FRMPD4: variants seen among roughly 807,000 people sequenced by gnomAD.
FRMPD4 encodes FERM and PDZ domain-containing protein 4.
In FRMPD4, 22 loss-of-function variants were observed where a neutral mutation model predicts 94.1. That is an observed-to-expected ratio of 0.23 (90% CI 0.17 to 0.33). The LOEUF (loss-of-function observed/expected upper bound fraction) is 0.33, where lower values mean the gene tolerates loss of function less well. Among genes scored for constraint, FRMPD4 ranks in the 10% least tolerant of loss-of-function variants. The pLI is 1.00. For synonymous variants in FRMPD4, 631 were observed against 548.6 expected, an observed-to-expected ratio of 1.15 and a Z score of -2.10; for missense variants, 1,111 against 1,339.9, an observed-to-expected ratio of 0.83 and a Z score of 2.67.
intron 2 of FRMPD4, among the ~76,000 whole-genome samples, chrX:12,607,006 C>T (rs2059137386): frequency 9.0e-6 from 1 of 111,435 alleles, no homozygotes; most frequent in Admixed American, 9.5e-5. Context: ...AGGTCAAGTT[C>T]CCACCCATTG....
intron 2 of FRMPD4, among the ~76,000 whole-genome samples, chrX:12,524,749 G>A (rs1001146940): frequency 9.0e-6 from 1 of 111,147 alleles, no homozygotes; most frequent in African/African-American, 3.3e-5. Context: ...TTTAGCCCCT[G>A]TTTCCTACAG....
intron 4 of FRMPD4, among the ~76,000 whole-genome samples, chrX:12,646,706 A>G (rs1176944666): frequency 8.9e-6 from 1 of 112,067 alleles, no homozygotes; most frequent in Admixed American, 9.5e-5. Flanking sequence ...CTCTGCAAAC[A>G]TTGTCTTCGA....
intron 3 of FRMPD4, among the ~76,000 whole-genome samples, chrX:12,015,732 A>G (rs886232943): frequency 6.2e-5 from 7 of 112,390 alleles, no homozygotes; most frequent in African/African-American, 2.3e-4. Context: ...CAAGAAATAC[A>G]GCTGACTTGG....
At chrX:12,697,344 G>T (rs2060143219) in intron 9 of FRMPD4, among the ~76,000 whole-genome samples, 2 of 111,906 alleles carry the variant, frequency 1.8e-5, no homozygotes, top group Non-Finnish European at 3.8e-5. Flanking sequence ...CCAGGGCTTT[G>T]CTACTGCAGC....
rs1043770826 is a variant in FRMPD4, at chrX:11,984,530, G to A, written c.95+106512G>A. Among the ~76,000 whole-genome samples the A allele has an allele frequency of 3.6e-5, 4 of 112,631 alleles. No individual in the cohort carries two copies. The Admixed American group carries it at 3.7e-4, about 11-fold the overall frequency. ...CAGCTGATCTGGGTGCAATGGTTTT[G>A]CTGCCCACAGAGTGGAAAGTTTGCT... is the stretch of plus-strand genomic sequence containing the variant. On this transcript the variant is annotated intron_variant, in intron 3 of 18. Coordinates refer to the FRMPD4 transcript ENST00000640291.
chrX:12,555,412 GATAT>G (rs1177891796), intron 2 of FRMPD4, among the ~76,000 whole-genome samples: 3 of 105,702 alleles, frequency 2.8e-5, no homozygotes, highest in East Asian at 5.7e-4. Context: ...TTTGAGATTG[GATAT>G]ATAAATTCAA....
chrX:12,158,838 G>A (rs1444578711), intron 1 of FRMPD4, among the ~76,000 whole-genome samples: 1 of 111,930 alleles, frequency 8.9e-6, no homozygotes, highest in East Asian at 2.8e-4. Context: ...ATTCCTAGGA[G>A]TAGAATTGTT....
intron 3 of FRMPD4, among the ~76,000 whole-genome samples, chrX:12,016,259 G>A (rs989481593): frequency 9.0e-6 from 1 of 111,611 alleles, no homozygotes; most frequent in African/African-American, 3.3e-5. Flanking sequence ...CAAAGGAAAT[G>A]GAAGGAAAAA....
upstream of FRMPD4, among the ~76,000 whole-genome samples, chrX:12,137,358 A>G (rs191984793): frequency 1.4e-4 from 16 of 113,097 alleles, no homozygotes; most frequent in East Asian, 3.0e-3. Context: ...AAGACTTTAA[A>G]TATAACAACA....
intron 2 of FRMPD4, among the ~76,000 whole-genome samples, chrX:12,585,550 C>T (rs1383600386): frequency 1.8e-5 from 2 of 112,166 alleles, no homozygotes; most frequent in Non-Finnish European, 3.8e-5. Context: ...ATCTCCCATT[C>T]CACCTGCAGC....
chrX:11,833,795 G>A (rs1393564049), intron 1 of FRMPD4, among the ~76,000 whole-genome samples: 6 of 111,481 alleles, frequency 5.4e-5, no homozygotes. Context: ...ATTGAGCTCT[G>A]GCCAATGGGA....
intron 1 of FRMPD4, among the ~76,000 whole-genome samples, chrX:12,145,765 G>T (rs1251218631): frequency 9.0e-6 from 1 of 111,567 alleles, no homozygotes; most frequent in Non-Finnish European, 1.9e-5. Flanking sequence ...GTTCTTCTTT[G>T]ATCTCTCTGC....
chrX:12,270,535 C>G (rs1333425303), intron 1 of FRMPD4, among the ~76,000 whole-genome samples: 2 of 111,475 alleles, frequency 1.8e-5, no homozygotes, highest in Admixed American at 1.9e-4. Context: ...TAGAAGTTTA[C>G]ATAATGATTG....
intron 1 of FRMPD4, among the ~76,000 whole-genome samples, chrX:12,163,496 G>A (rs2056061561): frequency 9.6e-6 from 1 of 104,174 alleles, no homozygotes; most frequent in South Asian, 4.4e-4. Flanking sequence ...AAATAGAGTG[G>A]CTCTTGAGAC....
At chrX:12,378,851 T>G (rs1014586615) in intron 1 of FRMPD4, among the ~76,000 whole-genome samples, 7 of 111,887 alleles carry the variant, frequency 6.3e-5, no homozygotes, top group African/African-American at 2.3e-4. Flanking sequence ...AACAGGAGTG[T>G]TTTTAGTGAG....
intron 1 of FRMPD4, among the ~76,000 whole-genome samples, chrX:12,472,776 A>G (rs1248221544): frequency 8.9e-6 from 1 of 111,825 alleles, no homozygotes; most frequent in East Asian, 2.8e-4. Flanking sequence ...AAGAATAAAA[A>G]GAAATGAACA....
intron 3 of FRMPD4, among the ~76,000 whole-genome samples, chrX:12,041,897 G>A (rs1223691932): frequency 9.0e-6 from 1 of 111,515 alleles, no homozygotes; most frequent in Non-Finnish European, 1.9e-5. Context: ...TGATTCGTCT[G>A]TGTTCTCAAA....
chrX:12,281,379 T>C (rs1247855399), intron 1 of FRMPD4, among the ~76,000 whole-genome samples: 1 of 110,237 alleles, frequency 9.1e-6, no homozygotes, highest in Non-Finnish European at 1.9e-5. Flanking sequence ...AGTCTTTTTT[T>C]TTTTTTCTTT....
rs2056858334 is a variant in FRMPD4, at chrX:12,220,877, A to G, written c.41+81865A>G. 2.7e-5 allele frequency among the ~76,000 whole-genome samples: 3 copies of G among 112,002 alleles called. No homozygotes were observed. In the South Asian group the frequency reaches 1.1e-3, roughly 41 times the overall value. ...TCATATTGCCAATTACTTGAATATT[A>G]TTATATGGACTTGTAGATGGCAGAT... On this transcript the variant is annotated intron_variant, in intron 1 of 16. Transcript: ENST00000675598.
Sources: gnomAD v4.1 joint callset for allele counts (sites outside exome capture counted in the v4.1 genomes callset) on GRCh38, gnomAD v4.1.1 for gene constraint, MANE v1.5 for transcripts, NCBI Gene and HGNC (gene_info 2026-07-23, HGNC 2026-07-21) for gene names.